The following NXNL2 variants were observed in gnomAD, a reference collection of about 807,000 sequenced individuals.
NXNL2 encodes the protein nucleoredoxin-like protein 2.
In NXNL2, 7 loss-of-function variants were observed where a neutral mutation model predicts 11.1. The ratio of observed to expected loss-of-function variants is 0.63; its 90% CI spans 0.36 to 1.18. The LOEUF (loss-of-function observed/expected upper bound fraction) is 1.18. Among genes scored for constraint, NXNL2 ranks in the 50% most tolerant of loss-of-function variants. The pLI is 0.02. For missense variants in NXNL2, 233 were observed against 217.7 expected, an observed-to-expected ratio of 1.07 and a Z score of -0.44; for synonymous variants, 109 against 101.8, an observed-to-expected ratio of 1.07 and a Z score of -0.42.
At chr9:88,577,277 GGGT>G (rs992779921), downstream of NXNL2, among the ~76,000 whole-genome samples, 10 of 152,024 alleles carry the variant, frequency 6.6e-5, no homozygotes, top group Non-Finnish European at 1.5e-4. Flanking sequence ...CTCATGGATG[GGGT>G]GTGTGTGTTT....
chr9:88,568,133 C>T (rs879938445), intron 1 of NXNL2, among the ~76,000 whole-genome samples: 3 of 152,206 alleles, frequency 2.0e-5, no homozygotes, highest in Admixed American at 6.5e-5. Context: ...TGATCAAGTA[C>T]ACAGAATTCC....
At chr9:88,540,450 C>T (rs916961895) in intron 1 of NXNL2, among the ~76,000 whole-genome samples, 3 of 152,084 alleles carry the variant, frequency 2.0e-5, no homozygotes, top group East Asian at 1.9e-4. Flanking sequence ...TCCATCTGGC[C>T]GAGTTCCACA....
intron 1 of NXNL2, among the ~76,000 whole-genome samples, chr9:88,569,324 CTTTCTTCCTTTTT>C (rs1252584869): frequency 3.3e-5 from 5 of 152,106 alleles, no homozygotes; most frequent in Admixed American, 3.3e-4. Context: ...AAAGATAATC[CTTTCTTCCTTTTT>C]TTTCTTCCTT....
intron 1 of NXNL2, among the ~76,000 whole-genome samples, chr9:88,539,512 C>T (rs546291416): frequency 6.6e-6 from 1 of 152,198 alleles, no homozygotes; most frequent in African/African-American, 2.4e-5. Context: ...ACTTTCCTTT[C>T]TGGAAGTGAC....
At chr9:88,568,244 T>TAA in intron 1 of NXNL2, among the ~76,000 whole-genome samples, 1 of 152,362 alleles carries the variant, frequency 6.6e-6, no homozygotes, top group East Asian at 1.9e-4. Context: ...TTATTTTAAT[T>TAA]AATTTAAATT....
downstream of NXNL2, among the ~76,000 whole-genome samples, chr9:88,579,392 G>A (rs779325704): frequency 6.6e-6 from 1 of 152,188 alleles, no homozygotes; most frequent in South Asian, 2.1e-4. Context: ...GCTGTGGCAG[G>A]ACTCATTTCT....
intron 1 of NXNL2, among the ~76,000 whole-genome samples, chr9:88,567,115 T>C (rs1830186939): frequency 6.6e-6 from 1 of 152,152 alleles, no homozygotes; most frequent in Non-Finnish European, 1.5e-5. Context: ...CATAGTAGAT[T>C]CTCTATAACT....
At chr9:88,536,592 A>G (rs929417927) in intron 1 of NXNL2, among the ~76,000 whole-genome samples, 1 of 152,176 alleles carries the variant, frequency 6.6e-6, no homozygotes, top group East Asian at 1.9e-4. Flanking sequence ...TTTGCTTTAC[A>G]GCCTCACATT....
At chr9:88,548,381 A>T, downstream of NXNL2, among the ~76,000 whole-genome samples, 1 of 105,224 alleles carries the variant, frequency 9.5e-6, no homozygotes, top group Admixed American at 1.1e-4. Flanking sequence ...AAAAAAAAAA[A>T]AGCTGGGTGC....
intron 2 of NXNL2, among the ~76,000 whole-genome samples, chr9:88,574,084 G>A (rs1320574987): frequency 6.6e-6 from 1 of 152,064 alleles, no homozygotes; most frequent in African/African-American, 2.4e-5. Flanking sequence ...AAAGTTAAAT[G>A]TTTTCATATG....
chr9:88,571,133 T>G (rs1422922693), exon 2 of NXNL2: 4 of 387,438 alleles, frequency 1.0e-5, no homozygotes, highest in South Asian at 7.7e-5. Context: ...TGGCGTGATC[T>G]TAGCTCACTG....
chr9:88,535,800 TC>T, intron 1 of NXNL2, 64 bp downstream of exon 1: 1 of 1,341,224 alleles, frequency 7.5e-7, no homozygotes, highest in Admixed American at 2.4e-5. Context: ...CCCCCAGGCC[TC>T]CCCCTCTGCA....
chr9:88,555,053 G>T (rs1829991271), intron 1 of NXNL2, among the ~76,000 whole-genome samples: 1 of 152,204 alleles, frequency 6.6e-6, no homozygotes, highest in Non-Finnish European at 1.5e-5. Context: ...AGACCAGATG[G>T]TACACAAGAC....
intron 1 of NXNL2, among the ~76,000 whole-genome samples, chr9:88,581,139 C>T (rs74991179): frequency 0.024 from 3,616 of 152,296 alleles, 91 homozygotes; most frequent in East Asian, 0.15. Context: ...TCTGTATCTC[C>T]ATACCGGCCT....
At chr9:88,542,125 C>T (rs756424605) in intron 1 of NXNL2, among the ~76,000 whole-genome samples, 9 of 150,910 alleles carry the variant, frequency 6.0e-5, no homozygotes, top group African/African-American at 1.9e-4. Context: ...CCCAGCTACT[C>T]GGGAGGCTGA....
chr9:88,567,370 T>A (rs1830191720), intron 1 of NXNL2, among the ~76,000 whole-genome samples: 1 of 152,094 alleles, frequency 6.6e-6, no homozygotes, highest in South Asian at 2.1e-4. Flanking sequence ...AACTCTTGAC[T>A]TCGTGATTTG....
chr9:88,575,548 G>A (rs542009290), exon 3 of NXNL2: 1 of 152,282 alleles, frequency 6.6e-6, no homozygotes, highest in Non-Finnish European at 1.5e-5. Flanking sequence ...GGGATCTAAT[G>A]ATCAAAACAA....
chr9:88,562,319 G>A (rs78915404), intron 1 of NXNL2, among the ~76,000 whole-genome samples: 5,093 of 152,212 alleles, frequency 0.033, 299 homozygotes, highest in African/African-American at 0.11. Flanking sequence ...GTGCGGCTGG[G>A]GGCGGCTGGG....
In NXNL2 at chr9:88,535,705, C is replaced by T. The variant is rs557880169; in HGVS notation, c.271C>T (p.Leu91=). 20 of 1,593,920 alleles carry T rather than the reference C, an allele frequency of 1.3e-5. No homozygotes were observed. The Admixed American group carries it at 1.9e-4, about 15-fold the overall frequency. ...CATGCGCGAGCTGCATGGCGCCTGG[C>T]TGGCGCTGCCCTTCCACGACCCCTA... ...DFMRELHGAW[L]ALPFHDPYRH... The change falls in exon 1 of 2, where the codon CTG becomes TTG. Residue 91 remains leucine, a synonymous_variant. Transcript: ENST00000375854.
Sources: gnomAD v4.1 joint callset for allele counts (sites outside exome capture counted in the v4.1 genomes callset) on GRCh38, gnomAD v4.1.1 for gene constraint, MANE v1.5 for transcripts, NCBI Gene and HGNC (gene_info 2026-07-23, HGNC 2026-07-21) for gene names.